ANTXR2: variants seen among roughly 807,000 people sequenced by gnomAD.
ANTXR2 encodes the protein anthrax toxin receptor 2.
A neutral mutation model predicts 73.7 loss-of-function variants in ANTXR2; 44 were observed. The observed-to-expected ratio is 0.60, with a 90% CI of 0.47 to 0.77. The LOEUF (loss-of-function observed/expected upper bound fraction) is 0.77, where lower values mean the gene tolerates loss of function less well. Among genes scored for constraint, ANTXR2 ranks in the 30% least tolerant of loss-of-function variants. The pLI, the probability that ANTXR2 is intolerant of heterozygous loss-of-function variation, is 0.00. For missense variants in ANTXR2, 604 were observed against 592.5 expected, an observed-to-expected ratio of 1.02 and a Z score of -0.20; for synonymous variants, 217 against 205.9, an observed-to-expected ratio of 1.05 and a Z score of -0.46.
intron 12 of ANTXR2, among the ~76,000 whole-genome samples, chr4:79,997,827 C>A (rs1413903500): frequency 6.6e-6 from 1 of 151,834 alleles, no homozygotes; most frequent in East Asian, 1.9e-4. Context: ...TAAACTGAGA[C>A]CAGGATGAGT....
At chr4:80,048,382 T>C (rs570556099) in intron 7 of ANTXR2, among the ~76,000 whole-genome samples, 2 of 151,752 alleles carry the variant, frequency 1.3e-5, no homozygotes, top group African/African-American at 2.4e-5. Context: ...CTAATGATCC[T>C]TGGACAAAGA....
At chr4:79,961,444 TA>T (rs904382596) in intron 16 of ANTXR2, among the ~76,000 whole-genome samples, 2 of 152,016 alleles carry the variant, frequency 1.3e-5, no homozygotes, top group African/African-American at 2.4e-5. Flanking sequence ...TAATTATTGT[TA>T]TTTTTTTAAG....
At chr4:79,915,862 C>CTCTATATATATATATATA (rs377006532) in intron 16 of ANTXR2, among the ~76,000 whole-genome samples, 7 of 123,872 alleles carry the variant, frequency 5.7e-5, no homozygotes, top group African/African-American at 2.1e-4. Flanking sequence ...CTCTCTCTCT[C>CTCTATATATATATATATA]TATATATATA....
intron 16 of ANTXR2, among the ~76,000 whole-genome samples, chr4:79,948,113 A>C (rs1728579543): frequency 6.6e-6 from 1 of 152,166 alleles, no homozygotes. Context: ...GGATTCCATG[A>C]GTACATTAGG....
At chr4:80,072,190 G>A (rs1158920128) in intron 1 of ANTXR2, among the ~76,000 whole-genome samples, 3 of 152,172 alleles carry the variant, frequency 2.0e-5, no homozygotes, top group Non-Finnish European at 2.9e-5. Flanking sequence ...TCCCCAAAGA[G>A]CCAAGTAGCC....
chr4:79,988,794 A>ATT (rs1560948224), intron 12 of ANTXR2, among the ~76,000 whole-genome samples: 1 of 151,992 alleles, frequency 6.6e-6, no homozygotes, highest in African/African-American at 2.4e-5. Flanking sequence ...TACCAATCAC[A>ATT]CTAGCAGAAC....
chr4:79,992,900 C>T (rs1046909320), intron 12 of ANTXR2, among the ~76,000 whole-genome samples: 1 of 151,958 alleles, frequency 6.6e-6, no homozygotes, highest in African/African-American at 2.4e-5. Flanking sequence ...AATGACTTTA[C>T]CAAATCATTT....
intron 16 of ANTXR2, among the ~76,000 whole-genome samples, chr4:79,943,904 G>T (rs1025510457): frequency 6.6e-6 from 1 of 150,578 alleles, no homozygotes; most frequent in Non-Finnish European, 1.5e-5. Flanking sequence ...TCAACACTTT[G>T]CAAAAGTTAT....
chr4:80,026,725 T>C (rs1732463717), intron 10 of ANTXR2, among the ~76,000 whole-genome samples: 1 of 152,162 alleles, frequency 6.6e-6, no homozygotes, highest in Admixed American at 6.6e-5. Flanking sequence ...AAAGAACAAT[T>C]CAAATCTGTC....
chr4:79,908,729 T>G (rs892790930), intron 16 of ANTXR2, among the ~76,000 whole-genome samples: 2 of 152,160 alleles, frequency 1.3e-5, no homozygotes, highest in African/African-American at 4.8e-5. Flanking sequence ...AAAAAGCAGA[T>G]AGAAGATCAG....
chr4:80,010,539 T>C (rs541333080), intron 11 of ANTXR2, among the ~76,000 whole-genome samples: 2 of 152,178 alleles, frequency 1.3e-5, no homozygotes, highest in Non-Finnish European at 2.9e-5. Context: ...TATGAACATT[T>C]GGTTTCCCCT....
intron 3 of ANTXR2, among the ~76,000 whole-genome samples, chr4:80,058,507 T>TTAGGGGAAACAAAGGCC (rs1371031652): frequency 1.3e-5 from 2 of 151,986 alleles, no homozygotes; most frequent in Non-Finnish European, 2.9e-5. Flanking sequence ...AGGTATCACT[T>TTAGGGGAAACAAAGGCC]TAGGGGAAAC....
At position 80,054,275 on chromosome 4, in the gene ANTXR2, A is replaced by G; in HGVS notation, c.633T>C (p.Asn211=). The G allele has an allele frequency of 2.5e-6, 4 of 1,594,870 alleles. No individual in the cohort carries two copies. Among genetic ancestry groups the G allele is most frequent in the Non-Finnish European group, 3.4e-6 (4 of 1,170,196 alleles). ...CTGCCCCCAGAGAAATACTCACAGA[A>G]TTAATTATTCCTTTAAGAGCCTGAA... ...GGFQALKGII[N]SILAQSCTEI... The change falls in exon 7 of 17, where the codon AAT becomes AAC. Residue 211 remains asparagine (N), a synonymous_variant. Coordinates refer to ENST00000403729, the MANE Select transcript of ANTXR2 (RefSeq NM_058172.6).
chr4:79,963,879 G>A (rs897655291), intron 16 of ANTXR2, among the ~76,000 whole-genome samples: 9 of 151,886 alleles, frequency 5.9e-5, no homozygotes, highest in African/African-American at 1.9e-4. Flanking sequence ...GAGGAGAACC[G>A]CCCAAAAAGA....
chr4:79,958,343 TCA>T (rs1163837813), intron 16 of ANTXR2, among the ~76,000 whole-genome samples: 3 of 152,116 alleles, frequency 2.0e-5, no homozygotes, highest in South Asian at 2.1e-4. Flanking sequence ...AAATATTTTA[TCA>T]CACACACACA....
intron 3 of ANTXR2, among the ~76,000 whole-genome samples, chr4:80,062,606 C>T (rs1734314114): frequency 6.6e-6 from 1 of 152,146 alleles, no homozygotes; most frequent in Non-Finnish European, 1.5e-5. Flanking sequence ...TAAATACTTG[C>T]CTAATGGAAT....
intron 12 of ANTXR2, among the ~76,000 whole-genome samples, chr4:79,985,840 T>C (rs1730124084): frequency 3.2e-5 from 1 of 31,278 alleles, no homozygotes; most frequent in Non-Finnish European, 1.1e-4. Flanking sequence ...AGTTAATTCT[T>C]TTTTTTTTTT....
At chr4:80,052,737 T>C (rs1733824674) in intron 7 of ANTXR2, among the ~76,000 whole-genome samples, 1 of 151,638 alleles carries the variant, frequency 6.6e-6, no homozygotes, top group South Asian at 2.1e-4. Context: ...ATAACTTAAG[T>C]TAAAGTTCAT....
chr4:80,065,689 A>C (rs1160918893), intron 3 of ANTXR2, among the ~76,000 whole-genome samples: 2 of 152,230 alleles, frequency 1.3e-5, no homozygotes, highest in East Asian at 3.8e-4. Context: ...AAAGCATAAC[A>C]GAAGACACAG....
Sources: allele counts gnomAD v4.1 joint callset (sites outside exome capture counted in the v4.1 genomes callset), GRCh38; gene constraint gnomAD v4.1.1; transcripts MANE v1.5; gene names NCBI Gene and HGNC (gene_info 2026-07-23, HGNC 2026-07-21).